The following PARG variants were observed in gnomAD, a reference collection of about 807,000 sequenced individuals.
PARG encodes poly(ADP-ribose) glycohydrolase, also known as mitochondrial poly(ADP-ribose) glycohydrolase.
Under a neutral mutation model 113.0 loss-of-function variants are expected in PARG, and 35 were observed. The ratio of observed to expected loss-of-function variants is 0.31; its 90% CI spans 0.24 to 0.41. PARG has a LOEUF of 0.41. Ranked by LOEUF, PARG falls within the 10% of genes least tolerant of loss-of-function variation. The probability of loss-of-function intolerance (pLI) is 1.00; values close to 1 mark genes in which losing one functional copy is unlikely to be tolerated. For missense variants in PARG, 797 were observed against 1,169.4 expected (o/e 0.68, Z 4.64); for synonymous variants, 330 against 409.9 (o/e 0.81, Z 2.36).
chr10:49,893,733 G>A (rs180983757), intron 7 of PARG, among the ~76,000 whole-genome samples: 673 of 149,742 alleles, frequency 4.5e-3, no homozygotes, highest in East Asian at 0.018. Flanking sequence ...TCCCTGTGTT[G>A]CCCAGGCTGG....
At chr10:49,906,867 A>C (rs535843887) in intron 7 of PARG, among the ~76,000 whole-genome samples, 1 of 152,190 alleles carries the variant, frequency 6.6e-6, no homozygotes, top group South Asian at 2.1e-4. Context: ...GAAGTGTCCA[A>C]GAGAAGTGAG....
At chr10:49,829,254 T>C (rs1436967539) in intron 16 of PARG, among the ~76,000 whole-genome samples, 1 of 151,542 alleles carries the variant, frequency 6.6e-6, no homozygotes, top group Non-Finnish European at 1.5e-5. Context: ...AAAAAAAAAA[T>C]TTGCCTTCTT....
chr10:49,835,863 G>A (rs916968998), intron 15 of PARG, among the ~76,000 whole-genome samples: 4 of 152,072 alleles, frequency 2.6e-5, no homozygotes, highest in Non-Finnish European at 5.9e-5. Context: ...CAAACGTGAC[G>A]ATGGTCCCAT....
intron 15 of PARG, among the ~76,000 whole-genome samples, chr10:49,841,582 C>A (rs1845239990): frequency 6.6e-6 from 1 of 152,146 alleles, no homozygotes; most frequent in African/African-American, 2.4e-5. Context: ...TCTGTTTTAA[C>A]CCTGATAGCA....
intron 13 of PARG, among the ~76,000 whole-genome samples, chr10:49,847,334 GT>G (rs1845560431): frequency 6.6e-6 from 1 of 151,796 alleles, no homozygotes; most frequent in Admixed American, 6.6e-5. Flanking sequence ...TAACCTGACA[GT>G]GGAGGAACCT....
intron 7 of PARG, among the ~76,000 whole-genome samples, chr10:49,895,528 T>A (rs1848039587): frequency 1.3e-5 from 2 of 152,014 alleles, no homozygotes; most frequent in South Asian, 4.2e-4. Context: ...CTCAGCCTCC[T>A]GACTAGCTGG....
At chr10:49,862,186 A>G (rs1846286407) in intron 11 of PARG, among the ~76,000 whole-genome samples, 1 of 151,660 alleles carries the variant, frequency 6.6e-6, no homozygotes, top group Non-Finnish European at 1.5e-5. Context: ...AGATAAACTT[A>G]GTACCTGTAA....
intron 1 of PARG, among the ~76,000 whole-genome samples, chr10:49,941,286 C>G (rs1308218329): frequency 6.6e-6 from 1 of 152,154 alleles, no homozygotes; most frequent in African/African-American, 2.4e-5. Context: ...CTGCCATTTT[C>G]CGCCCTGTGA....
At chr10:49,907,488 C>T (rs1228869122) in intron 7 of PARG, among the ~76,000 whole-genome samples, 6 of 152,062 alleles carry the variant, frequency 3.9e-5, no homozygotes, top group African/African-American at 9.6e-5. Context: ...GCAAGTTTAC[C>T]GCTTGTTTAG....
chr10:49,920,463 A>AAAAAAAAAAAT (rs1431747248), intron 6 of PARG, among the ~76,000 whole-genome samples: 1 of 47,984 alleles, frequency 2.1e-5, no homozygotes, highest in Non-Finnish European at 5.7e-5. Context: ...AAAAAAAAAA[A>AAAAAAAAAAAT]ATATATATAT....
Position 49,876,452 on chromosome 10 carries a change from AAAC to A in PARG, c.1988+3218_1988+3220del, listed in dbSNP as rs545130600. On this transcript the variant is annotated intron_variant, in intron 9 of 17. Transcript: ENST00000616448. The stretch of plus-strand genomic sequence containing the variant: ...GGCAACATAATGAGACCCAGTCTCA[AAAC>A]AACAACAGCAAGAAAAGTTATTTCC... 3.9e-3 allele frequency among the ~76,000 whole-genome samples: 587 copies of A among 149,868 alleles called. 8 individuals carry two copies. Among genetic ancestry groups the A allele is most frequent in the African/African-American group, 0.014 (564 of 40,940 alleles).
chr10:49,826,617 T>C (rs56201242), intron 16 of PARG, among the ~76,000 whole-genome samples: 52 of 152,346 alleles, frequency 3.4e-4, no homozygotes, highest in African/African-American at 1.1e-3. Flanking sequence ...AAAAAGTTTC[T>C]ATATCTCAGA....
rs1339574316 is a variant in PARG at position 49,924,539 on chromosome 10, C to A, written c.1456-1870G>T. Among the ~76,000 whole-genome samples, 3 of 145,358 alleles carry A rather than the reference C, an allele frequency of 2.1e-5. 1 individual carries two copies. The highest frequency in any genetic ancestry group is 1.4e-4 in the Admixed American group (2 of 14,776). ...GTGAAACAAAAATAAAATTCTAAGCCCCGCAACCAACTGAATGGGCCCCTC... is the reference window on the plus strand; with the variant it reads ...GTGAAACAAAAATAAAATTCTAAGCACCGCAACCAACTGAATGGGCCCCTC... On this transcript the variant is annotated intron_variant, in intron 4 of 17. Transcript: ENST00000616448.
At chr10:49,920,651 T>TATATATATACGTGTATATATATACAC (rs1588993391) in intron 6 of PARG, among the ~76,000 whole-genome samples, 29 of 148,050 alleles carry the variant, frequency 2.0e-4, no homozygotes, top group East Asian at 1.8e-3. Flanking sequence ...CACATATACG[T>TATATATATACGTGTATATATATACAC]ATATATATGG....
rs1839068527 is a variant in PARG, at chr10:49,941,513, C to A, written c.213G>T (p.Ser71=). Residue 71 remains serine, a synonymous_variant, in exon 1 of 18, where the codon TCG becomes TCT. Coordinates refer to ENST00000616448, the MANE Select transcript of PARG (RefSeq NM_003631.5). Reference sequence around the variant, plus strand: ...GATTTTTATTTTCCCACGTACCAAGCGAGGTGGCGCTGCCTCTGTGCTGTC... The same window carrying A: ...GATTTTTATTTTCCCACGTACCAAGAGAGGTGGCGCTGCCTCTGTGCTGTC... ...RAGQHRGSAT[S]LVFKQKTITS... is the part of the protein sequence containing the mutation. 2 of 1,549,972 alleles carry A rather than the reference C, an allele frequency of 1.3e-6. No homozygotes were observed. Among genetic ancestry groups the A allele is most frequent in the Non-Finnish European group, 1.7e-6 (2 of 1,145,408 alleles).
chr10:49,837,100 T>C (rs764749170), intron 15 of PARG, among the ~76,000 whole-genome samples: 2 of 152,156 alleles, frequency 1.3e-5, no homozygotes, highest in Non-Finnish European at 2.9e-5. Flanking sequence ...ATGAGTTAGA[T>C]AGAAGGAGAC....
intron 16 of PARG, among the ~76,000 whole-genome samples, chr10:49,829,561 A>G (rs1554829960): frequency 6.6e-6 from 1 of 152,174 alleles, no homozygotes; most frequent in Non-Finnish European, 1.5e-5. Context: ...AACATCACTG[A>G]CCAAGTGTGG....
chr10:49,861,083 C>G (rs1328206194), intron 12 of PARG, among the ~76,000 whole-genome samples: 1 of 152,208 alleles, frequency 6.6e-6, no homozygotes, highest in African/African-American at 2.4e-5. Flanking sequence ...AGCTCACGTG[C>G]GTGAAACTGT....
chr10:49,825,044 TATGC>T (rs1434984522), intron 16 of PARG, among the ~76,000 whole-genome samples: 32 of 152,138 alleles, frequency 2.1e-4, no homozygotes, highest in African/African-American at 6.8e-4. Context: ...TTGAAAGTAC[TATGC>T]ATGTCCTTCT....
Sources: allele counts gnomAD v4.1 joint callset (sites outside exome capture counted in the v4.1 genomes callset), GRCh38; gene constraint gnomAD v4.1.1; transcripts MANE v1.5; gene names NCBI Gene and HGNC (gene_info 2026-07-23, HGNC 2026-07-21).